The following ERG variants were observed in gnomAD, a reference collection of about 807,000 sequenced individuals.
The protein encoded by ERG is ETS transcription factor ERG.
A neutral mutation model predicts 55.3 loss-of-function variants in ERG; 9 were observed. The ratio of observed to expected loss-of-function variants is 0.16; its 90% CI spans 0.10 to 0.28. ERG has a LOEUF of 0.28. Among genes scored for constraint, ERG ranks in the 10% least tolerant of loss-of-function variants. The pLI, the probability that ERG is intolerant of heterozygous loss-of-function variation, is 1.00. For missense variants in ERG, 434 were observed against 631.6 expected (o/e 0.69, Z 3.35); for synonymous variants, 223 against 237.3 (o/e 0.94, Z 0.55).
intron 2 of ERG, among the ~76,000 whole-genome samples, chr21:38,571,839 T>A (rs1039240053): frequency 2.6e-5 from 4 of 152,188 alleles, no homozygotes; most frequent in African/African-American, 9.7e-5. Flanking sequence ...AGTGAATTTC[T>A]CTAAGATGAA....
chr21:38,393,107 T>A (rs533430781), intron 6 of ERG, among the ~76,000 whole-genome samples: 3 of 152,210 alleles, frequency 2.0e-5, no homozygotes, highest in Non-Finnish European at 4.4e-5. Context: ...ATGAAATGAA[T>A]TACAGGACTG....
At chr21:38,627,701 G>A (rs372779520) in intron 1 of ERG, among the ~76,000 whole-genome samples, 3 of 152,254 alleles carry the variant, frequency 2.0e-5, no homozygotes, top group East Asian at 1.9e-4. Flanking sequence ...AACTCTTAGC[G>A]TTCTGGTAGG....
intron 1 of ERG, among the ~76,000 whole-genome samples, chr21:38,640,130 GAAAATCAATGA>G (rs1054917697): frequency 1.3e-5 from 2 of 151,998 alleles, no homozygotes; most frequent in African/African-American, 4.8e-5. Flanking sequence ...AAAAATCATT[GAAAATCAATGA>G]AAAATCAATT....
intron 2 of ERG, among the ~76,000 whole-genome samples, chr21:38,567,755 G>A (rs148201147): frequency 5.9e-5 from 9 of 152,300 alleles, no homozygotes; most frequent in Admixed American, 2.0e-4. Flanking sequence ...TCGCCATAGC[G>A]ATGGGATAAA....
intron 8 of ERG, among the ~76,000 whole-genome samples, chr21:38,391,411 CAAAG>C (rs975075869): frequency 2.0e-5 from 3 of 152,134 alleles, no homozygotes; most frequent in Non-Finnish European, 2.9e-5. Context: ...TAATGGATCA[CAAAG>C]AAGCAGCCTG....
chr21:38,644,935 T>C (rs570893957), intron 1 of ERG, among the ~76,000 whole-genome samples: 2 of 152,194 alleles, frequency 1.3e-5, no homozygotes, highest in African/African-American at 2.4e-5. Flanking sequence ...GGAGGGAGCA[T>C]CTCTTGAGCC....
intron 2 of ERG, among the ~76,000 whole-genome samples, chr21:38,573,303 A>T (rs200818456): frequency 2.0e-5 from 3 of 152,216 alleles, no homozygotes; most frequent in Admixed American, 6.5e-5. Context: ...CGACACCCGT[A>T]AAGGGTCTGT....
chr21:38,554,283 A>G (rs1295283734), intron 2 of ERG, among the ~76,000 whole-genome samples: 1 of 152,238 alleles, frequency 6.6e-6, no homozygotes, highest in African/African-American at 2.4e-5. Flanking sequence ...GATTTCCCAA[A>G]GAACTTAAAA....
chr21:38,500,539 T>G (rs1367974795), upstream of ERG, among the ~76,000 whole-genome samples: 1 of 152,230 alleles, frequency 6.6e-6, no homozygotes, highest in African/African-American at 2.4e-5. Flanking sequence ...CTTTGCCTGG[T>G]TAACTCTGAT....
At chr21:38,549,808 T>G (rs986512633) in intron 2 of ERG, among the ~76,000 whole-genome samples, 26 of 152,110 alleles carry the variant, frequency 1.7e-4, no homozygotes, top group African/African-American at 5.8e-4. Flanking sequence ...ATTGGAGAGG[T>G]GCAAACCTGG....
intron 1 of ERG, among the ~76,000 whole-genome samples, chr21:38,616,081 G>T (rs1166062139): frequency 6.6e-6 from 1 of 152,142 alleles, no homozygotes; most frequent in African/African-American, 2.4e-5. Context: ...CTGTTCTCAT[G>T]ATAGTAAGTT....
chr21:38,563,851 A>G (rs564701096), intron 2 of ERG, among the ~76,000 whole-genome samples: 16 of 152,360 alleles, frequency 1.1e-4, no homozygotes, highest in African/African-American at 3.6e-4. Flanking sequence ...GGAGACAAAT[A>G]GCAAGGATCC....
intron 1 of ERG, among the ~76,000 whole-genome samples, chr21:38,468,468 T>C (rs890766238): frequency 2.0e-5 from 3 of 152,158 alleles, no homozygotes; most frequent in Admixed American, 6.5e-5. Context: ...CCTCAAATCC[T>C]AAAGATTTTT....
In ERG at chr21:38,383,315, T is replaced by C; in HGVS notation, c.*88A>G. On this transcript the variant is annotated 3_prime_UTR_variant, in exon 10 of 10. Transcript: ENST00000288319. This position sits in a 1 kb window ranked among gnomAD's most constrained non-coding sequence, Gnocchi z 5.7. ...CCAGTAAAGCTTTTTTCATTCCTCTTGAGGCACTTTTGATTCATGTTCTCC... is the reference window on the plus strand; with the variant it reads ...CCAGTAAAGCTTTTTTCATTCCTCTCGAGGCACTTTTGATTCATGTTCTCC... 7.4e-7 allele frequency: 1 copy of C among 1,359,774 alleles called. No individual in the cohort carries two copies. The highest frequency in any genetic ancestry group is 9.5e-7 in the Non-Finnish European group (1 of 1,051,320). The allele number at this position is 1,359,774 out of a possible 1,614,324, so 84.2% of individuals were successfully genotyped here.
chr21:38,590,679 CCATCCATCCATGTATT>C (rs1190504646), intron 1 of ERG, among the ~76,000 whole-genome samples: 3 of 152,080 alleles, frequency 2.0e-5, no homozygotes, highest in Non-Finnish European at 4.4e-5. Context: ...ATCCATCCAC[CCATCCATCCATGTATT>C]CATCCATCCA....
At chr21:38,652,892 G>A (rs945901485) in intron 1 of ERG, among the ~76,000 whole-genome samples, 20 of 152,268 alleles carry the variant, frequency 1.3e-4, no homozygotes, top group African/African-American at 3.6e-4. Context: ...CATCTCCTTC[G>A]AGATTTCATG....
At chr21:38,528,486 C>T (rs7276666) in intron 2 of ERG, among the ~76,000 whole-genome samples, 21,864 of 58,308 alleles carry the variant, frequency 0.37, 8,169 homozygotes, top group African/African-American at 0.76. Flanking sequence ...CTCGCTCTGT[C>T]GCCCAGGCTG....
At chr21:38,473,331 C>A (rs2059157634) in intron 1 of ERG, among the ~76,000 whole-genome samples, 1 of 152,044 alleles carries the variant, frequency 6.6e-6, no homozygotes. Context: ...TTAGTGAATT[C>A]TTTCCTTTAT....
intron 2 of ERG, among the ~76,000 whole-genome samples, chr21:38,535,619 G>A (rs2059704192): frequency 6.6e-6 from 1 of 152,066 alleles, no homozygotes; most frequent in Non-Finnish European, 1.5e-5. Context: ...CAGCCTGGAA[G>A]ACCCAAAGAC....
Sources: gnomAD v4.1 joint callset for allele counts (sites outside exome capture counted in the v4.1 genomes callset) on GRCh38, gnomAD v4.1.1 for gene constraint, Gnocchi (gnomAD v3.1) non-coding constraint, MANE v1.5 for transcripts, NCBI Gene and HGNC (gene_info 2026-07-23, HGNC 2026-07-21) for gene names.